The following ASB2 variants were observed in gnomAD, a reference collection of about 807,000 sequenced individuals.
ASB2 encodes the protein ankyrin repeat and SOCS box protein 2.
ASB2 carries 58 observed loss-of-function variants against 62.4 expected under a neutral mutation model. That is an observed-to-expected ratio of 0.93 (90% CI 0.75 to 1.16). The LOEUF (loss-of-function observed/expected upper bound fraction) is 1.16, where lower values mean the gene tolerates loss of function less well. Ranked by LOEUF, ASB2 falls within the 50% of genes most tolerant of loss-of-function variation. ASB2 has a pLI of 0.00. For synonymous variants in ASB2, 386 were observed against 385.3 expected, an observed-to-expected ratio of 1.00 and a Z score of -0.02; for missense variants, 928 against 887.9, an observed-to-expected ratio of 1.05 and a Z score of -0.57.
chr14:93,942,237 G>A (rs560054451), intron 7 of ASB2: 1 of 456,092 alleles, frequency 2.2e-6, no homozygotes, highest in African/African-American at 2.0e-5. Context: ...TGCTCAAGCG[G>A]CACCTCATGA....
At chr14:93,965,895 C>G (rs1277561571) in intron 1 of ASB2, among the ~76,000 whole-genome samples, 2 of 152,262 alleles carry the variant, frequency 1.3e-5, no homozygotes, top group Admixed American at 1.3e-4. Context: ...GAGCTTCCCA[C>G]TGGAGCTTGC....
At position 93,934,751 on chromosome 14, in the gene ASB2, G is replaced by A. The variant is rs377046730; in HGVS notation, c.1813C>T (p.Arg605Ter). The A allele has an allele frequency of 3.7e-6, 6 of 1,613,440 alleles. No individual in the cohort carries two copies. Among genetic ancestry groups the A allele is most frequent in the Non-Finnish European group, 5.1e-6 (6 of 1,179,488 alleles). Residue 605 changes from arginine to a stop codon, truncating the protein, a stop_gained, in exon 10 of 10, where the codon CGA becomes TGA. Coordinates refer to ENST00000555019, the MANE Select transcript of ASB2 (RefSeq NM_001202429.2). LOFTEE classifies it high-confidence loss of function. ...ATACGGTATTTCCCAATGGCCTTTC[G>A]AACCCGCAGTCGGCAAAGGTGAGCC... ...PLAHLCRLRV[R>*]KAIGKYRIKL...
chr14:93,935,422 T>G (rs1595296255), intron 9 of ASB2, among the ~76,000 whole-genome samples: 1 of 89,136 alleles, frequency 1.1e-5, no homozygotes, highest in African/African-American at 3.9e-5. Flanking sequence ...AATCACAGAA[T>G]GTCATTCATT....
chr14:93,941,674 C>G (rs1888530635), intron 7 of ASB2: 1 of 455,998 alleles, frequency 2.2e-6, no homozygotes, highest in African/African-American at 2.0e-5. Flanking sequence ...TGTAACGTGC[C>G]CAAGAACGGG....
At chr14:93,971,106 C>T (rs1287090653) in intron 1 of ASB2, among the ~76,000 whole-genome samples, 4 of 152,334 alleles carry the variant, frequency 2.6e-5, no homozygotes, top group Non-Finnish European at 4.4e-5. Context: ...TTCCCACAAG[C>T]TCTCCTCCAT....
At chr14:93,941,909 C>T (rs997355074) in intron 7 of ASB2, among the ~76,000 whole-genome samples, 5 of 152,234 alleles carry the variant, frequency 3.3e-5, no homozygotes, top group South Asian at 4.1e-4. Flanking sequence ...GAGATCAGTG[C>T]GTCCAGCTTT....
At chr14:93,970,716 G>A (rs2141321671) in intron 1 of ASB2, among the ~76,000 whole-genome samples, 1 of 152,270 alleles carries the variant, frequency 6.6e-6, no homozygotes, top group East Asian at 1.9e-4. Flanking sequence ...CTGCACAGTG[G>A]TAGACGGTGG....
intron 1 of ASB2, among the ~76,000 whole-genome samples, chr14:93,969,241 C>G (rs1889684861): frequency 2.0e-5 from 3 of 152,148 alleles, no homozygotes; most frequent in African/African-American, 7.2e-5. Context: ...CAGTCGTAGG[C>G]TGGTGACAGC....
At chr14:93,944,659 T>C (rs1888655382) in intron 7 of ASB2, among the ~76,000 whole-genome samples, 1 of 152,252 alleles carries the variant, frequency 6.6e-6, no homozygotes, top group African/African-American at 2.4e-5. Context: ...TTTAACCCTT[T>C]GTTGCTTAGC....
chr14:93,937,781 T>C lies in ASB2; in HGVS notation c.1688A>G (p.Tyr563Cys). The C allele has an allele frequency of 6.2e-7, 1 of 1,613,380 alleles. No homozygotes were observed. The highest frequency in any genetic ancestry group is 8.5e-7 in the Non-Finnish European group (1 of 1,179,386). ...AGPIIDVLLD[Y>C]VGNVQLCSRL... ...CGAGCAGAGCTGCACGTTGCCCACG[T>C]AGTCCAGGAGGACATCGATGATGGG... Residue 563 changes from tyrosine to cysteine, a missense_variant, in exon 9 of 10, where the codon TAC (tyrosine) becomes TGC (cysteine). By Grantham distance (194) the Tyr-to-Cys change is radical. Coordinates refer to ENST00000555019, the MANE Select transcript of ASB2 (RefSeq NM_001202429.2).
Position 93,947,482 on chromosome 14 carries a change from C to A in ASB2, c.919G>T (p.Ala307Ser). 6.2e-7 allele frequency: 1 copy of A among 1,614,218 alleles called. No individual in the cohort carries two copies. The part of the protein sequence containing the change: ...INTQASDNAS[A>S]LYEACKNEHE... ...TCATTCTTGCAGGCCTCGTAGAGGG[C>A]AGACGCGTTGTCGCTGGCCTGCGTG... Residue 307 changes from alanine to serine, a missense_variant, in exon 7 of 10, where the codon GCC (alanine) becomes TCC (serine). By Grantham distance (99) the Ala-to-Ser change is moderately conservative. Coordinates refer to ENST00000555019, the MANE Select transcript of ASB2 (RefSeq NM_001202429.2).
At chr14:93,967,874 A>G (rs1376166093) in intron 1 of ASB2, among the ~76,000 whole-genome samples, 3 of 151,832 alleles carry the variant, frequency 2.0e-5, no homozygotes, top group Non-Finnish European at 1.5e-5. Context: ...GCAACTTACT[A>G]GCTATATGAC....
intron 7 of ASB2, among the ~76,000 whole-genome samples, chr14:93,944,353 A>G (rs1393713192): frequency 3.3e-5 from 5 of 152,264 alleles, no homozygotes; most frequent in Non-Finnish European, 7.3e-5. Flanking sequence ...TGACTGCGAC[A>G]TCGGGACTTT....
intron 7 of ASB2, chr14:93,941,723 A>T (rs924893932): frequency 4.4e-6 from 2 of 455,902 alleles, no homozygotes; most frequent in Non-Finnish European, 4.4e-6. Context: ...GCCGCTGGAC[A>T]GATGGGGCTG....
chr14:93,960,833 A>G (rs1889381441), intron 2 of ASB2, among the ~76,000 whole-genome samples: 1 of 152,218 alleles, frequency 6.6e-6, no homozygotes, highest in Admixed American at 6.5e-5. Context: ...TTTTGGTCAC[A>G]ATATAATAAT....
rs562562190 is a variant in ASB2, at chr14:93,951,727, G to A, written c.635-483C>T. Among the ~76,000 whole-genome samples the A allele has an allele frequency of 1.5e-3, 222 of 152,320 alleles. 1 individual carries two copies. Among genetic ancestry groups the A allele is most frequent in the African/African-American group, 5.1e-3 (211 of 41,566 alleles). Reference sequence around the variant, plus strand: ...ATCATTTCCCCTTCCAGTGGTACCTGCTTCAGTCCTCCACATTACCAAGGC... The same window carrying A: ...ATCATTTCCCCTTCCAGTGGTACCTACTTCAGTCCTCCACATTACCAAGGC... On this transcript the variant is annotated intron_variant, in intron 5 of 9. Coordinates refer to ENST00000555019, the MANE Select transcript of ASB2 (RefSeq NM_001202429.2).
intron 8 of ASB2, among the ~76,000 whole-genome samples, chr14:93,938,318 C>A (rs1031924118): frequency 2.1e-5 from 3 of 143,894 alleles, no homozygotes; most frequent in African/African-American, 7.8e-5. Context: ...CGGCTCACTG[C>A]AAGCTCTGCC....
At chr14:93,956,685 G>T in intron 3 of ASB2, 81 bp downstream of exon 3, 2 of 1,568,358 alleles carry the variant, frequency 1.3e-6, no homozygotes, top group Non-Finnish European at 1.8e-6. Flanking sequence ...TGGGGGCTGT[G>T]GGCCTGCTTC....
chr14:93,958,349 T>G (rs3762143), intron 2 of ASB2, among the ~76,000 whole-genome samples: 9,829 of 152,210 alleles, frequency 0.065, 1,151 homozygotes, highest in East Asian at 0.58. Context: ...AGGGTCACCT[T>G]CAGCATGACA....
Sources: gnomAD v4.1 joint callset for allele counts (sites outside exome capture counted in the v4.1 genomes callset) on GRCh38, gnomAD v4.1.1 for gene constraint, MANE v1.5 for transcripts, NCBI Gene and HGNC (gene_info 2026-07-23, HGNC 2026-07-21) for gene names.